Variants in SLC24A2 observed in about 807,000 individuals in gnomAD.
SLC24A2 encodes solute carrier family 24 member 2, also known as sodium/potassium/calcium exchanger 2.
Under a neutral mutation model 62.0 loss-of-function variants are expected in SLC24A2, and 36 were observed. The ratio of observed to expected loss-of-function variants is 0.58; its 90% CI spans 0.44 to 0.77. The LOEUF is 0.77. Among genes scored for constraint, SLC24A2 ranks in the 30% least tolerant of loss-of-function variants. SLC24A2 has a pLI of 0.00. For missense variants in SLC24A2, 846 were observed against 817.9 expected, an observed-to-expected ratio of 1.03 and a Z score of -0.42; for synonymous variants, 358 against 294.0, an observed-to-expected ratio of 1.22 and a Z score of -2.23.
intron 5 of SLC24A2, among the ~76,000 whole-genome samples, chr9:19,596,186 T>G (rs372503365): frequency 1.1e-4 from 16 of 152,216 alleles, no homozygotes; most frequent in African/African-American, 3.6e-4. Flanking sequence ...ACTTCTTGCA[T>G]GCAAAGCAAC....
the SLC24A2 span, among the ~76,000 whole-genome samples, chr9:20,247,386 C>T: frequency 6.6e-5 from 10 of 152,198 alleles, no homozygotes; most frequent in African/African-American, 1.2e-4. Flanking sequence ...TCTCAAAATT[C>T]GTATGTTGAA....
At chr9:19,700,406 T>C (rs1820321836) in intron 2 of SLC24A2, among the ~76,000 whole-genome samples, 1 of 152,244 alleles carries the variant, frequency 6.6e-6, no homozygotes, top group Non-Finnish European at 1.5e-5. Flanking sequence ...CAGCACTTTC[T>C]ATTCTAATTT....
chr9:19,918,468 G>C, the SLC24A2 span, among the ~76,000 whole-genome samples: 1 of 150,006 alleles, frequency 6.7e-6, no homozygotes, highest in Non-Finnish European at 1.5e-5. Flanking sequence ...GATTCATTCC[G>C]TGCAGGTTCC....
the SLC24A2 span, among the ~76,000 whole-genome samples, chr9:20,096,413 C>T: frequency 3.3e-5 from 5 of 152,096 alleles, no homozygotes; most frequent in Non-Finnish European, 5.9e-5. Flanking sequence ...ATGTTATTGA[C>T]TCTCCTTTCC....
At chr9:20,061,927 A>G in the SLC24A2 span, among the ~76,000 whole-genome samples, 1 of 152,156 alleles carries the variant, frequency 6.6e-6, no homozygotes, top group Non-Finnish European at 1.5e-5. Context: ...TTTGCAAATC[A>G]TATATCTGAT....
chr9:20,172,549 C>A, the SLC24A2 span, among the ~76,000 whole-genome samples: 1 of 151,958 alleles, frequency 6.6e-6, no homozygotes, highest in African/African-American at 2.4e-5. Context: ...TACAAAAGAT[C>A]ATTCAAGGCT....
At chr9:20,205,457 G>A in the SLC24A2 span, among the ~76,000 whole-genome samples, 1 of 151,790 alleles carries the variant, frequency 6.6e-6, no homozygotes, top group Non-Finnish European at 1.5e-5. Flanking sequence ...GACCATCCTG[G>A]TTAATACAGT....
At chr9:19,940,354 C>A in the SLC24A2 span, among the ~76,000 whole-genome samples, 1 of 152,198 alleles carries the variant, frequency 6.6e-6, no homozygotes, top group Non-Finnish European at 1.5e-5. Context: ...CTTTTATAAA[C>A]AAGGCTAGGT....
the SLC24A2 span, among the ~76,000 whole-genome samples, chr9:19,949,595 C>G: frequency 1.3e-5 from 2 of 152,174 alleles, no homozygotes; most frequent in Non-Finnish European, 2.9e-5. Context: ...CCAGTGGAGA[C>G]TGCATTTCCC....
chr9:19,525,386 CTTTACTTTTTTTTTTTTT>C lies in SLC24A2; in HGVS notation c.1569+2645_1569+2662del, dbSNP rs1386093121. Among the ~76,000 whole-genome samples, 7 of 47,200 alleles carry C rather than the reference CTTTACTTTTTTTTTTTTT, an allele frequency of 1.5e-4. No homozygotes were observed. In the South Asian group the frequency reaches 3.1e-3, roughly 21 times the overall value. 31.0% of individuals were successfully genotyped at this position (47,200 alleles called of 152,430 possible). On this transcript the variant is annotated intron_variant, in intron 9 of 10. Transcript: ENST00000341998. ...TCTGCAAGGTTTTTTTTTCCTATTTCTTTACTTTTTTTTTTTTTTTTTTTTTTTTTTTTAAAAGACAGG... is the reference window on the plus strand; with the variant it reads ...TCTGCAAGGTTTTTTTTTCCTATTTCTTTTTTTTTTTTTTTAAAAGACAGG...
At chr9:20,145,419 C>G in the SLC24A2 span, among the ~76,000 whole-genome samples, 1 of 152,004 alleles carries the variant, frequency 6.6e-6, no homozygotes, top group Non-Finnish European at 1.5e-5. Context: ...CCTAGAAGCC[C>G]ATAGGATCAA....
chr9:20,217,655 G>C, the SLC24A2 span, among the ~76,000 whole-genome samples: 1 of 152,094 alleles, frequency 6.6e-6, no homozygotes, highest in Non-Finnish European at 1.5e-5. Context: ...GTTGGTTAAA[G>C]CCTGAAACTG....
chr9:19,768,089 T>C (rs1822575947), intron 2 of SLC24A2, among the ~76,000 whole-genome samples: 2 of 152,120 alleles, frequency 1.3e-5, no homozygotes, highest in African/African-American at 2.4e-5. Flanking sequence ...GGTAAATTAA[T>C]TGATTAATGA....
intron 2 of SLC24A2, among the ~76,000 whole-genome samples, chr9:19,778,766 A>G (rs978261042): frequency 6.6e-6 from 1 of 152,210 alleles, no homozygotes; most frequent in Non-Finnish European, 1.5e-5. Flanking sequence ...GTAAAGTCCC[A>G]AGAAACATAT....
chr9:19,586,537 A>G (rs1586999169), intron 5 of SLC24A2, among the ~76,000 whole-genome samples: 1 of 145,216 alleles, frequency 6.9e-6, no homozygotes, highest in South Asian at 2.1e-4. Flanking sequence ...TGGTTAAGTT[A>G]AGTTTCCAAA....
chr9:19,722,299 T>C (rs759130369), intron 2 of SLC24A2, among the ~76,000 whole-genome samples: 5 of 152,154 alleles, frequency 3.3e-5, no homozygotes, highest in Non-Finnish European at 7.4e-5. Context: ...TCAATTCTCT[T>C]GAAGTAATAA....
chr9:19,898,696 C>T, the SLC24A2 span, among the ~76,000 whole-genome samples: 3 of 139,558 alleles, frequency 2.1e-5, no homozygotes, highest in Non-Finnish European at 3.0e-5. Context: ...GAGCTGAGAT[C>T]GTGCCACTGT....
the SLC24A2 span, among the ~76,000 whole-genome samples, chr9:19,962,075 C>T: frequency 2.0e-5 from 3 of 152,214 alleles, no homozygotes; most frequent in Non-Finnish European, 2.9e-5. Flanking sequence ...CTTCCCACAC[C>T]ATCTGTGTTA....
At chr9:19,906,590 T>C in the SLC24A2 span, among the ~76,000 whole-genome samples, 1 of 151,272 alleles carries the variant, frequency 6.6e-6, no homozygotes, top group African/African-American at 2.4e-5. Flanking sequence ...GCAACACTAA[T>C]AAAGAAGAAA....
Sources: gnomAD v4.1 joint callset for allele counts (sites outside exome capture counted in the v4.1 genomes callset) on GRCh38, gnomAD v4.1.1 for gene constraint, MANE v1.5 for transcripts, NCBI Gene and HGNC (gene_info 2026-07-23, HGNC 2026-07-21) for gene names.